NTRK3: variants seen among roughly 807,000 people sequenced by gnomAD.
NTRK3 encodes the protein NT-3 growth factor receptor.
In NTRK3, 24 loss-of-function variants were observed where a neutral mutation model predicts 91.7. That is an observed-to-expected ratio of 0.26 (90% CI 0.19 to 0.37). The LOEUF (loss-of-function observed/expected upper bound fraction) is 0.37, where lower values mean the gene tolerates loss of function less well. Among genes scored for constraint, NTRK3 ranks in the 10% least tolerant of loss-of-function variants. The pLI, the probability that NTRK3 is intolerant of heterozygous loss-of-function variation, is 1.00. For synonymous variants in NTRK3, 483 were observed against 404.0 expected (o/e 1.20, Z -2.34); for missense variants, 880 against 1,068.9 (o/e 0.82, Z 2.46).
chr15:88,256,463 G>A (rs1289160838), exon 2 of NTRK3: 2 of 527,996 alleles, frequency 3.8e-6, no homozygotes, highest in Non-Finnish European at 6.5e-6. Context: ...CTCTGGAAGC[G>A]AGGCGCGCTC....
rs200105481 is a variant in NTRK3 at position 87,897,803 on chromosome 15, T to TA, written c.2134-17376dup. Among the ~76,000 whole-genome samples, 816 of 152,190 alleles carry TA rather than the reference T, an allele frequency of 5.4e-3. 9 individuals carry two copies. Among genetic ancestry groups the TA allele is most frequent in the East Asian group, 0.025 (131 of 5,184 alleles). ...CTAAATAGTTAGAGGCCAAAAAATA[T>TA]AAAAATTATAACATATCAGAATTAT... On this transcript the variant is annotated intron_variant, in intron 17 of 18. Transcript: ENST00000394480.
At chr15:87,932,953 A>G (rs2068937251) in intron 16 of NTRK3, 59 bp downstream of exon 16, 9 of 1,589,016 alleles carry the variant, frequency 5.7e-6, no homozygotes, top group Non-Finnish European at 7.8e-6. Flanking sequence ...GCTCCAGGGA[A>G]AACCCCAAGG....
intron 13 of NTRK3, among the ~76,000 whole-genome samples, chr15:88,106,034 T>C (rs558845622): frequency 1.3e-5 from 2 of 152,348 alleles, no homozygotes; most frequent in Non-Finnish European, 2.9e-5. Context: ...TGTGAGCATT[T>C]GTAGGTGTGT....
At chr15:88,142,974 G>A (rs369748552) in intron 6 of NTRK3, among the ~76,000 whole-genome samples, 1 of 152,046 alleles carries the variant, frequency 6.6e-6, no homozygotes, top group African/African-American at 2.4e-5. Context: ...CAACATTTTG[G>A]GGGGCCAAGG....
At chr15:87,919,811 TG>T (rs1270316208) in intron 17 of NTRK3, among the ~76,000 whole-genome samples, 5 of 152,226 alleles carry the variant, frequency 3.3e-5, no homozygotes, top group Non-Finnish European at 7.3e-5. Flanking sequence ...AACTGGAGTT[TG>T]TTTTTTTATT....
At chr15:87,945,596 T>C (rs1216884027) in intron 14 of NTRK3, among the ~76,000 whole-genome samples, 1 of 151,158 alleles carries the variant, frequency 6.6e-6, no homozygotes, top group Non-Finnish European at 1.5e-5. Context: ...TTGGCTGCCC[T>C]GTGGGGCAGG....
intron 3 of NTRK3, among the ~76,000 whole-genome samples, chr15:88,213,105 T>C (rs1246642839): frequency 1.3e-5 from 2 of 152,212 alleles, no homozygotes; most frequent in Non-Finnish European, 2.9e-5. Context: ...CACAAATGTC[T>C]TTCTGGTGTG....
chr15:88,180,425 A>C (rs1394584653), intron 5 of NTRK3, among the ~76,000 whole-genome samples: 1 of 152,224 alleles, frequency 6.6e-6, no homozygotes, highest in Non-Finnish European at 1.5e-5. Flanking sequence ...GTCACTCATA[A>C]ACCATGACGT....
intron 13 of NTRK3, among the ~76,000 whole-genome samples, chr15:88,083,870 T>C (rs1766834407): frequency 1.3e-5 from 2 of 151,950 alleles, no homozygotes; most frequent in Admixed American, 1.3e-4. Flanking sequence ...GTAGGGAAAG[T>C]TGGGGAGGGG....
rs190867528 is a variant in NTRK3 at position 88,016,029 on chromosome 15, T to C, written c.1585+16828A>G. Among the ~76,000 whole-genome samples the C allele has an allele frequency of 4.3e-3, 654 of 152,058 alleles. 1 individual carries two copies. Among genetic ancestry groups the C allele is most frequent in the Non-Finnish European group, 6.8e-3 (461 of 68,010 alleles). On this transcript the variant is annotated intron_variant, in intron 14 of 18. Coordinates refer to ENST00000394480, the Ensembl canonical transcript of NTRK3. ...AATATGATCTCATTTGTGTGTGCTA[T>C]ACATGTCCATGTTGATGTGTACATG... is the stretch of plus-strand genomic sequence containing the variant.
chr15:88,119,451 C>T (rs1039791538), intron 13 of NTRK3, among the ~76,000 whole-genome samples: 5 of 152,066 alleles, frequency 3.3e-5, no homozygotes, highest in Admixed American at 2.6e-4. Context: ...TTTGAGGAAG[C>T]GGGGTGGTTG....
At chr15:88,137,693 A>C in intron 6 of NTRK3, 132 bp from the exon 7 acceptor site, 1 of 879,804 alleles carries the variant, frequency 1.1e-6, no homozygotes, top group South Asian at 1.6e-5. Flanking sequence ...AAGGTTACAA[A>C]AGAAGTGGAA....
At chr15:87,914,975 G>A (rs568110996) in intron 17 of NTRK3, among the ~76,000 whole-genome samples, 15 of 152,154 alleles carry the variant, frequency 9.9e-5, no homozygotes, top group Non-Finnish European at 1.6e-4. Context: ...TGATAACAGC[G>A]GTGGCTATGG....
At chr15:87,989,515 A>G (rs1300494527) in intron 14 of NTRK3, among the ~76,000 whole-genome samples, 1 of 152,058 alleles carries the variant, frequency 6.6e-6, no homozygotes, top group Non-Finnish European at 1.5e-5. Context: ...GAGTTGGGGG[A>G]GGGGGAGGAA....
intron 14 of NTRK3, among the ~76,000 whole-genome samples, chr15:87,991,448 C>G (rs1432615212): frequency 6.6e-6 from 1 of 152,222 alleles, no homozygotes; most frequent in African/African-American, 2.4e-5. Context: ...TACCCTCCAT[C>G]ATTAATGTCC....
At chr15:87,913,360 C>T (rs1007191640) in intron 17 of NTRK3, among the ~76,000 whole-genome samples, 1 of 152,056 alleles carries the variant, frequency 6.6e-6, no homozygotes, top group African/African-American at 2.4e-5. Context: ...TTGTGTGAAT[C>T]CAAGGTTAGA....
chr15:87,979,289 T>A (rs2073992414), intron 14 of NTRK3: 1 of 1,290,054 alleles, frequency 7.8e-7, no homozygotes, highest in Non-Finnish European at 1.1e-6. Flanking sequence ...TTCCAACCTC[T>A]CAGAGGGCCC....
chr15:87,947,253 G>T (rs551144098), intron 14 of NTRK3, among the ~76,000 whole-genome samples: 2 of 143,052 alleles, frequency 1.4e-5, no homozygotes, highest in African/African-American at 5.1e-5. Flanking sequence ...AGGTGGTTAC[G>T]TAACTTGCCC....
intron 3 of NTRK3, among the ~76,000 whole-genome samples, chr15:88,232,841 T>G (rs1253471169): frequency 6.6e-6 from 1 of 152,164 alleles, no homozygotes; most frequent in Non-Finnish European, 1.5e-5. Context: ...CTGGGATCAT[T>G]CAACCCTAAA....
Sources: gnomAD v4.1 joint callset for allele counts (sites outside exome capture counted in the v4.1 genomes callset) on GRCh38, gnomAD v4.1.1 for gene constraint, MANE v1.5 for transcripts, NCBI Gene and HGNC (gene_info 2026-07-23, HGNC 2026-07-21) for gene names.